The following ANTXR2 variants were observed in gnomAD, a reference collection of about 807,000 sequenced individuals.
ANTXR2 encodes anthrax toxin receptor 2.
A neutral mutation model predicts 73.7 loss-of-function variants in ANTXR2; 44 were observed. That is an observed-to-expected ratio of 0.60 (90% CI 0.47 to 0.77). The LOEUF is 0.77. ANTXR2 is among the 30% of genes least tolerant of loss of function. The pLI is 0.00. For missense variants in ANTXR2, 604 were observed against 592.5 expected, an observed-to-expected ratio of 1.02 and a Z score of -0.20; for synonymous variants, 217 against 205.9, an observed-to-expected ratio of 1.05 and a Z score of -0.46.
intron 16 of ANTXR2, among the ~76,000 whole-genome samples, chr4:79,974,638 G>A (rs1729555358): frequency 6.6e-6 from 1 of 151,614 alleles, no homozygotes; most frequent in Admixed American, 6.6e-5. Flanking sequence ...AGGAGATGAT[G>A]CTTTACATAA....
At chr4:80,018,848 C>A in intron 11 of ANTXR2, 50 bp downstream of exon 11, 1 of 1,306,476 alleles carries the variant, frequency 7.7e-7, no homozygotes. Context: ...TAGATTATTT[C>A]TGGATGGAAT....
intron 8 of ANTXR2, 116 bp downstream of exon 8, chr4:80,035,856 G>A: frequency 1.2e-6 from 1 of 814,388 alleles, no homozygotes; most frequent in South Asian, 1.7e-5. Context: ...ACACAAAAAA[G>A]ATGCCAAAAA....
chr4:80,014,954 C>G (rs1731770906), intron 11 of ANTXR2, among the ~76,000 whole-genome samples: 1 of 152,182 alleles, frequency 6.6e-6, no homozygotes, highest in Non-Finnish European at 1.5e-5. Flanking sequence ...TAAATTCACT[C>G]TTCCCTCTTG....
chr4:80,008,639 A>C, intron 11 of ANTXR2, 23 bp from the exon 12 acceptor site: 1 of 1,529,386 alleles, frequency 6.5e-7, no homozygotes, highest in Non-Finnish European at 8.9e-7. Flanking sequence ...AAAAGCAAAA[A>C]CAAAGCAGTC....
chr4:80,041,204 C>T (rs1733229684), intron 7 of ANTXR2, among the ~76,000 whole-genome samples: 1 of 151,926 alleles, frequency 6.6e-6, no homozygotes, highest in Non-Finnish European at 1.5e-5. Flanking sequence ...TAGGTTGTCC[C>T]CAGGTTTTAT....
chr4:79,983,411 T>C lies in ANTXR2; in HGVS notation c.1179+467A>G, dbSNP rs1729970624. On this transcript the variant is annotated intron_variant, in intron 14 of 16. Coordinates refer to ENST00000403729, the MANE Select transcript of ANTXR2 (RefSeq NM_058172.6). ...ATATAATATCAATTACAATAGTTCA[T>C]AAGTGGCAACTAACATAAAGTATTA... Among the ~76,000 whole-genome samples the C allele has an allele frequency of 2.0e-5, 3 of 152,146 alleles. No homozygotes were observed. The South Asian group carries it at 6.2e-4, about 31-fold the overall frequency.
chr4:80,020,661 T>A (rs1441577081), intron 10 of ANTXR2, among the ~76,000 whole-genome samples: 2 of 152,212 alleles, frequency 1.3e-5, no homozygotes, highest in African/African-American at 4.8e-5. Context: ...CTTTCCATCA[T>A]ATCAGAGAGG....
chr4:79,986,150 T>C (rs956279429), intron 12 of ANTXR2, among the ~76,000 whole-genome samples: 1 of 152,130 alleles, frequency 6.6e-6, no homozygotes, highest in African/African-American at 2.4e-5. Context: ...TAATTTGAAA[T>C]GACCTTTACT....
chr4:80,065,515 G>A (rs528659273), intron 3 of ANTXR2, among the ~76,000 whole-genome samples: 69 of 152,312 alleles, frequency 4.5e-4, no homozygotes, highest in Non-Finnish European at 9.3e-4. Context: ...CAGACATATG[G>A]AGGGTAAAAA....
intron 16 of ANTXR2, among the ~76,000 whole-genome samples, chr4:79,929,754 G>C (rs1172891299): frequency 6.6e-6 from 1 of 151,776 alleles, no homozygotes; most frequent in African/African-American, 2.4e-5. Flanking sequence ...AAGTAAAGCA[G>C]GGAAACCAGT....
At chr4:80,067,594 A>G (rs540245935) in intron 3 of ANTXR2, among the ~76,000 whole-genome samples, 1 of 152,306 alleles carries the variant, frequency 6.6e-6, no homozygotes, top group South Asian at 2.1e-4. Flanking sequence ...AATGGAGAAA[A>G]TTTATTTTCA....
chr4:79,932,785 T>C (rs1578094938), intron 16 of ANTXR2, among the ~76,000 whole-genome samples: 1 of 54,552 alleles, frequency 1.8e-5, no homozygotes, highest in Non-Finnish European at 3.2e-5. Flanking sequence ...AGAGCAAAAC[T>C]CCATCTCAAA....
chr4:79,915,719 G>A (rs1727315481), intron 16 of ANTXR2, among the ~76,000 whole-genome samples: 1 of 151,760 alleles, frequency 6.6e-6, no homozygotes, highest in South Asian at 2.1e-4. Context: ...GAACACAATA[G>A]CCATTTTGAG....
intron 10 of ANTXR2, among the ~76,000 whole-genome samples, chr4:80,028,656 T>C (rs951819508): frequency 1.3e-5 from 2 of 152,178 alleles, no homozygotes; most frequent in South Asian, 4.1e-4. Flanking sequence ...TCATTCATTG[T>C]TGGGCCAGAT....
intron 12 of ANTXR2, among the ~76,000 whole-genome samples, chr4:79,994,229 C>T (rs927532200): frequency 3.3e-5 from 5 of 151,950 alleles, no homozygotes; most frequent in African/African-American, 4.8e-5. Context: ...CCATTTTAAC[C>T]TATGTAGCCA....
intron 5 of ANTXR2, 26 bp from the exon 6 acceptor site, chr4:80,055,244 A>G: frequency 6.4e-7 from 1 of 1,554,390 alleles, no homozygotes; most frequent in Non-Finnish European, 8.7e-7. Context: ...AGGGAAAGAG[A>G]GAAAAAAAGA....
At position 79,933,863 on chromosome 4, in the gene ANTXR2, T is replaced by G. The variant is rs145965232; in HGVS notation, c.1429-26396A>C. On this transcript the variant is annotated intron_variant, in intron 16 of 16. Coordinates refer to ENST00000403729, the MANE Select transcript of ANTXR2 (RefSeq NM_058172.6). ...CATTCTCCCGCCTCAGCCTTCGGAA[T>G]AGCTGGGACTACAGGCGCCCAACAC... Among the ~76,000 whole-genome samples, 5 of 150,692 alleles carry G rather than the reference T, an allele frequency of 3.3e-5. No individual in the cohort carries two copies. The South Asian group carries it at 8.5e-4, about 26-fold the overall frequency.
intron 7 of ANTXR2, among the ~76,000 whole-genome samples, chr4:80,038,216 T>C (rs946995836): frequency 2.0e-5 from 3 of 152,148 alleles, no homozygotes; most frequent in African/African-American, 7.2e-5. Flanking sequence ...AGTGAATTTG[T>C]AACTTTATAT....
At chr4:79,930,555 T>C (rs528250668) in intron 16 of ANTXR2, among the ~76,000 whole-genome samples, 1 of 152,348 alleles carries the variant, frequency 6.6e-6, no homozygotes, top group Admixed American at 6.5e-5. Context: ...GGTCCATCAG[T>C]GCTGTCAGGG....
Sources: allele counts gnomAD v4.1 joint callset (sites outside exome capture counted in the v4.1 genomes callset), GRCh38; gene constraint gnomAD v4.1.1; transcripts MANE v1.5; gene names NCBI Gene and HGNC (gene_info 2026-07-23, HGNC 2026-07-21).